The following VKORC1L1 variants were observed in gnomAD, a reference collection of about 807,000 sequenced individuals.
VKORC1L1 encodes the protein vitamin K epoxide reductase complex subunit 1L1.
VKORC1L1 carries 2 observed loss-of-function variants against 18.9 expected under a neutral mutation model. That is an observed-to-expected ratio of 0.11 (90% CI 0.04 to 0.33). The LOEUF (loss-of-function observed/expected upper bound fraction) is 0.33. Ranked by LOEUF, VKORC1L1 falls within the 10% of genes least tolerant of loss-of-function variation. VKORC1L1 has a pLI of 1.00. For missense variants in VKORC1L1, 123 were observed against 224.1 expected (o/e 0.55, Z 2.88); for synonymous variants, 96 against 100.0 (o/e 0.96, Z 0.24).
chr7:65,900,978 C>T (rs1445828895), intron 1 of VKORC1L1, among the ~76,000 whole-genome samples: 1 of 152,058 alleles, frequency 6.6e-6, no homozygotes. Context: ...GTTGAAATTT[C>T]ACAGGTGAGA....
At chr7:65,920,351 C>T (rs1789655027) in intron 1 of VKORC1L1, among the ~76,000 whole-genome samples, 1 of 152,116 alleles carries the variant, frequency 6.6e-6, no homozygotes, top group Non-Finnish European at 1.5e-5. Flanking sequence ...CCGACAAATG[C>T]TGGGCACTCA....
At position 65,882,336 on chromosome 7, in the gene VKORC1L1, G is replaced by A. The variant is rs181226305; in HGVS notation, c.194+8771G>A. On this transcript the variant is annotated intron_variant, in intron 1 of 2. Transcript: ENST00000360768. The stretch of plus-strand genomic sequence containing the variant: ...AGAGGTTGCAGTGAGCCAAGATCAC[G>A]CCATTGCACTCCAGCCTGGGCAACA... 3.0e-3 allele frequency among the ~76,000 whole-genome samples: 449 copies of A among 150,992 alleles called. 2 individuals carry two copies. Among genetic ancestry groups the A allele is most frequent in the Middle Eastern group, 0.014 (4 of 290 alleles).
intron 1 of VKORC1L1, among the ~76,000 whole-genome samples, chr7:65,876,519 A>G (rs969206627): frequency 1.3e-5 from 2 of 151,474 alleles, no homozygotes; most frequent in Non-Finnish European, 1.5e-5. Context: ...AAAAAAAAAA[A>G]GTTTACTTTC....
At chr7:65,898,652 T>C (rs1350955560) in intron 1 of VKORC1L1, among the ~76,000 whole-genome samples, 1 of 152,274 alleles carries the variant, frequency 6.6e-6, no homozygotes, top group Non-Finnish European at 1.5e-5. Context: ...TGACACTTTC[T>C]ATACTAATTT....
At chr7:65,934,469 A>G (rs1296714514) in intron 1 of VKORC1L1, among the ~76,000 whole-genome samples, 1 of 152,166 alleles carries the variant, frequency 6.6e-6, no homozygotes, top group Non-Finnish European at 1.5e-5. Flanking sequence ...TGTGCAATAG[A>G]TCTCAAAATA....
chr7:65,959,240 G>C lies in VKORC1L1; in HGVS notation c.*4940G>C, dbSNP rs940284002. On this transcript the variant is annotated 3_prime_UTR_variant, in exon 3 of 3. Transcript: ENST00000360768. ...GAATTGCTTGAACCAGGGAGGCGGA[G>C]GTTGCAGTGAGACGAGATCACGCCA... The C allele has an allele frequency of 1.3e-5, 2 of 152,274 alleles. No individual in the cohort carries two copies. The highest frequency in any genetic ancestry group is 4.8e-5 in the African/African-American group (2 of 41,444). The allele number at this position is 152,274 out of a possible 1,614,324, so 9.4% of individuals were successfully genotyped here.
rs182326871 is a variant in VKORC1L1, at chr7:65,924,017, C to T, written c.195-24654C>T. On this transcript the variant is annotated intron_variant, in intron 1 of 2. Coordinates refer to ENST00000360768, the MANE Select transcript of VKORC1L1 (RefSeq NM_173517.6). ...ATGGGTGGGTAGTTGGATTTCTACT[C>T]TGATTACAAAGTCTTCCCCTTCCAG... 2.0e-5 allele frequency among the ~76,000 whole-genome samples: 3 copies of T among 152,284 alleles called. No homozygotes were observed. The East Asian group carries it at 5.8e-4, about 29-fold the overall frequency.
chr7:65,873,884 C>T (rs1380562784), intron 1 of VKORC1L1, among the ~76,000 whole-genome samples: 1 of 149,248 alleles, frequency 6.7e-6, no homozygotes, highest in East Asian at 2.0e-4. Flanking sequence ...TGCAGGAGCG[C>T]GAGGGGGCTG....
At chr7:65,889,562 C>A (rs1391713371) in intron 1 of VKORC1L1, among the ~76,000 whole-genome samples, 1 of 152,142 alleles carries the variant, frequency 6.6e-6, no homozygotes, top group Non-Finnish European at 1.5e-5. Context: ...TTGAGCGGTG[C>A]ATCTTTTTGT....
At chr7:65,876,363 G>A (rs149552092) in intron 1 of VKORC1L1, among the ~76,000 whole-genome samples, 33 of 152,162 alleles carry the variant, frequency 2.2e-4, no homozygotes, top group Admixed American at 1.0e-3. Flanking sequence ...CAAGCTGGGC[G>A]TGGTAGCATG....
At chr7:65,946,450 C>T (rs1229316676) in intron 1 of VKORC1L1, among the ~76,000 whole-genome samples, 2 of 152,194 alleles carry the variant, frequency 1.3e-5, no homozygotes, top group Admixed American at 1.3e-4. Flanking sequence ...TGCCTGCAAG[C>T]ATTTCATTTT....
intron 1 of VKORC1L1, among the ~76,000 whole-genome samples, chr7:65,894,111 C>T (rs1238788515): frequency 1.3e-5 from 2 of 151,962 alleles, no homozygotes; most frequent in African/African-American, 2.4e-5. Context: ...CCTACTAGCA[C>T]GCCCGACTAA....
At chr7:65,874,874 C>A (rs927774991) in intron 1 of VKORC1L1, among the ~76,000 whole-genome samples, 3 of 152,104 alleles carry the variant, frequency 2.0e-5, no homozygotes, top group Non-Finnish European at 4.4e-5. Flanking sequence ...GTGTATTTAG[C>A]ATACACTCTA....
At chr7:65,912,911 T>TGTATGTAGTATGTATGTATGTAG (rs1789523748) in intron 1 of VKORC1L1, among the ~76,000 whole-genome samples, 1 of 152,234 alleles carries the variant, frequency 6.6e-6, no homozygotes, top group Non-Finnish European at 1.5e-5. Context: ...TCTGTATGTA[T>TGTATGTAGTATGTATGTATGTAG]TTCATCATGG....
chr7:65,901,138 AAAAG>A lies in VKORC1L1; in HGVS notation c.194+27574_194+27577del, dbSNP rs1265460262. Among the ~76,000 whole-genome samples, 3 of 152,354 alleles carry A rather than the reference AAAAG, an allele frequency of 2.0e-5. No homozygotes were observed. In the East Asian group the frequency reaches 5.8e-4, roughly 29 times the overall value. On this transcript the variant is annotated intron_variant, in intron 1 of 2. Coordinates refer to ENST00000360768, the MANE Select transcript of VKORC1L1 (RefSeq NM_173517.6). ...ACTAAGAAGAGTGAATTCCAAGAAA[AAAAG>A]GAGGAAAAATTTTGTTCGGTGTTAT...
chr7:65,945,285 A>G (rs1387469469), intron 1 of VKORC1L1, among the ~76,000 whole-genome samples: 1 of 151,540 alleles, frequency 6.6e-6, no homozygotes, highest in Non-Finnish European at 1.5e-5. Flanking sequence ...ATAGCAATGT[A>G]AACATATTAT....
intron 2 of VKORC1L1, among the ~76,000 whole-genome samples, chr7:65,952,824 C>T (rs1237885507): frequency 1.7e-5 from 2 of 115,876 alleles, no homozygotes; most frequent in East Asian, 2.5e-4. Flanking sequence ...AAGACTCTGT[C>T]GCCCAGGCTG....
At chr7:65,895,453 G>GAAAAA (rs1167891625) in intron 1 of VKORC1L1, among the ~76,000 whole-genome samples, 3 of 26,668 alleles carry the variant, frequency 1.1e-4, no homozygotes, top group Admixed American at 7.4e-4. Flanking sequence ...CCATCTGTGA[G>GAAAAA]AAAAAAAAAA....
chr7:65,886,560 C>T (rs1225593255), intron 1 of VKORC1L1, among the ~76,000 whole-genome samples: 6 of 151,674 alleles, frequency 4.0e-5, no homozygotes, highest in East Asian at 1.9e-4. Flanking sequence ...TTTTTTGAGA[C>T]GGAGTCTCAC....
Sources: gnomAD v4.1 joint callset for allele counts (sites outside exome capture counted in the v4.1 genomes callset) on GRCh38, gnomAD v4.1.1 for gene constraint, MANE v1.5 for transcripts, NCBI Gene and HGNC (gene_info 2026-07-23, HGNC 2026-07-21) for gene names.